TRDN: variants seen among roughly 807,000 people sequenced by gnomAD.
TRDN encodes the protein triadin in skeletal muscle.
A neutral mutation model predicts 149.7 loss-of-function variants in TRDN; 161 were observed. The ratio of observed to expected loss-of-function variants is 1.08; its 90% confidence interval spans 0.95 to 1.23. The LOEUF is 1.23. TRDN is among the 50% of genes most tolerant of loss of function. The probability of loss-of-function intolerance (pLI) is 0.00; values close to 1 mark genes in which losing one functional copy is unlikely to be tolerated. For missense variants in TRDN, 896 were observed against 823.5 expected, an observed-to-expected ratio of 1.09 and a Z score of -1.08; for synonymous variants, 294 against 250.5, an observed-to-expected ratio of 1.17 and a Z score of -1.64.
chr6:123,559,587 C>T (rs998556214), intron 2 of TRDN, among the ~76,000 whole-genome samples: 6 of 152,242 alleles, frequency 3.9e-5, no homozygotes, highest in African/African-American at 1.4e-4. Flanking sequence ...TCATTAAAAC[C>T]TAATCACCCT....
chr6:123,255,546 G>A (rs1776527558), intron 36 of TRDN, among the ~76,000 whole-genome samples: 2 of 152,020 alleles, frequency 1.3e-5, no homozygotes, highest in East Asian at 1.9e-4. Flanking sequence ...CTTATATGGT[G>A]TAGTTTGCCA....
chr6:123,266,266 TATA>T (rs1268943837), intron 32 of TRDN, among the ~76,000 whole-genome samples: 2 of 29,602 alleles, frequency 6.8e-5, no homozygotes, highest in Non-Finnish European at 1.5e-4. Flanking sequence ...ATATATTATA[TATA>T]GTAATATATA....
At chr6:123,474,098 T>G (rs1422258727) in intron 9 of TRDN, among the ~76,000 whole-genome samples, 3 of 151,594 alleles carry the variant, frequency 2.0e-5, no homozygotes, top group African/African-American at 7.3e-5. Context: ...ATAACAATAT[T>G]AACTTTAAAT....
chr6:123,371,950 C>A (rs948703201), intron 19 of TRDN, among the ~76,000 whole-genome samples: 1 of 151,976 alleles, frequency 6.6e-6, no homozygotes, highest in Non-Finnish European at 1.5e-5. Flanking sequence ...TATACAAAAT[C>A]GAGCAAGTGA....
chr6:123,317,423 A>T (rs981026116), intron 23 of TRDN, among the ~76,000 whole-genome samples: 5 of 151,894 alleles, frequency 3.3e-5, no homozygotes, highest in African/African-American at 1.2e-4. Flanking sequence ...GCAGTGTCTC[A>T]TTTTCTGTAG....
chr6:123,294,476 G>A (rs1029089871), intron 24 of TRDN, among the ~76,000 whole-genome samples: 3 of 152,158 alleles, frequency 2.0e-5, no homozygotes, highest in Non-Finnish European at 4.4e-5. Context: ...CCTGGGGTCG[G>A]GGGTGTGGAT....
At chr6:123,585,762 G>C (rs768042860) in intron 1 of TRDN, among the ~76,000 whole-genome samples, 482 of 152,162 alleles carry the variant, frequency 3.2e-3, no homozygotes, top group Middle Eastern at 6.8e-3. Context: ...GCAAGCTCCT[G>C]GGGGAGGAGG....
chr6:123,526,692 C>A (rs1223317644), intron 5 of TRDN, among the ~76,000 whole-genome samples: 1 of 151,790 alleles, frequency 6.6e-6, no homozygotes, highest in African/African-American at 2.4e-5. Context: ...AACACTCATA[C>A]AATATTAAAT....
intron 10 of TRDN, among the ~76,000 whole-genome samples, chr6:123,448,827 C>T (rs1021806475): frequency 1.3e-5 from 2 of 152,134 alleles, no homozygotes; most frequent in African/African-American, 4.8e-5. Flanking sequence ...TTGCACTCCC[C>T]TGCCACCTCC....
At chr6:123,450,405 A>G (rs6920263) in intron 10 of TRDN, among the ~76,000 whole-genome samples, 4,533 of 152,232 alleles carry the variant, frequency 0.03, 236 homozygotes, top group African/African-American at 0.1. Flanking sequence ...ATTTCATGCA[A>G]ACAGACACCA....
chr6:123,395,347 A>G (rs1321029427), intron 12 of TRDN, among the ~76,000 whole-genome samples: 5 of 152,062 alleles, frequency 3.3e-5, no homozygotes, highest in African/African-American at 9.7e-5. Flanking sequence ...CTTCTCCCAC[A>G]GACTGTTTGG....
At chr6:123,451,225 C>T (rs1775748162) in intron 10 of TRDN, among the ~76,000 whole-genome samples, 1 of 151,688 alleles carries the variant, frequency 6.6e-6, no homozygotes, top group Non-Finnish European at 1.5e-5. Flanking sequence ...CCAAACCCAG[C>T]AGAAGAAAGA....
chr6:123,259,186 G>C (rs557210545), intron 35 of TRDN, among the ~76,000 whole-genome samples: 1 of 151,778 alleles, frequency 6.6e-6, no homozygotes, highest in Non-Finnish European at 1.5e-5. Flanking sequence ...GCTAGCTTTC[G>C]AATTTGTTTG....
intron 5 of TRDN, chr6:123,529,236 G>A (rs934153279): frequency 1.3e-6 from 2 of 1,548,738 alleles, no homozygotes; most frequent in African/African-American, 2.7e-5. Context: ...TAGAAACACA[G>A]AGCCAGTTCA....
At chr6:123,305,397 T>C (rs912032887) in intron 24 of TRDN, among the ~76,000 whole-genome samples, 1 of 152,200 alleles carries the variant, frequency 6.6e-6, no homozygotes, top group Admixed American at 6.6e-5. Flanking sequence ...GTTATTGTTA[T>C]CTATCTATAG....
In TRDN at chr6:123,252,454, T is replaced by A. The variant is rs776292419; in HGVS notation, c.1952-19A>T. On this transcript the variant is annotated intron_variant, in intron 37 of 40. Coordinates refer to ENST00000334268, the MANE Select transcript of TRDN (RefSeq NM_006073.4). ...TTTTCTGCTAAAAAGAGAAAATAAA[T>A]AAGTTTTGTTTAACTGAGATAAAAT... 2.8e-6 allele frequency: 4 copies of A among 1,434,304 alleles called. No homozygotes were observed. The African/African-American group carries it at 5.6e-5, about 20-fold the overall frequency. 88.8% of individuals were successfully genotyped at this position (1,434,304 alleles called of 1,614,324 possible). A position where few individuals can be genotyped will look rare whatever the true frequency, so the allele number is the denominator to read the frequency against.
chr6:123,323,678 T>C (rs1263616384), intron 23 of TRDN, among the ~76,000 whole-genome samples: 1 of 152,188 alleles, frequency 6.6e-6, no homozygotes. Flanking sequence ...ACACATAAAA[T>C]GGGCCACAGG....
chr6:123,503,625 A>C (rs770622406), intron 8 of TRDN, 94 bp downstream of exon 8: 1 of 1,561,740 alleles, frequency 6.4e-7, no homozygotes, highest in South Asian at 1.2e-5. Context: ...TTGAAGTCTG[A>C]TTTTGGTCTT....
At chr6:123,280,601 A>T (rs1448056385) in intron 24 of TRDN, among the ~76,000 whole-genome samples, 2 of 148,632 alleles carry the variant, frequency 1.3e-5, no homozygotes, top group Non-Finnish European at 3.0e-5. Context: ...TTTTTTCATC[A>T]TCAGGGTTTA....
Sources: gnomAD v4.1 joint callset for allele counts (sites outside exome capture counted in the v4.1 genomes callset) on GRCh38, gnomAD v4.1.1 for gene constraint, MANE v1.5 for transcripts, NCBI Gene and HGNC (gene_info 2026-07-23, HGNC 2026-07-21) for gene names.